The following PRELID2 variants were observed in gnomAD, a reference collection of about 807,000 sequenced individuals.
PRELID2 encodes the protein PRELI domain-containing protein 2.
PRELID2 carries 25 observed loss-of-function variants against 28.4 expected under a neutral mutation model. The observed-to-expected ratio is 0.88, with a 90% confidence interval of 0.64 to 1.23. The LOEUF is 1.23. Among genes scored for constraint, PRELID2 ranks in the 50% most tolerant of loss-of-function variants. PRELID2 has a pLI of 0.00. For synonymous variants in PRELID2, 76 were observed against 71.6 expected, an observed-to-expected ratio of 1.06 and a Z score of -0.31; for missense variants, 201 against 214.4, an observed-to-expected ratio of 0.94 and a Z score of 0.39.
At chr5:145,310,591 T>A in the PRELID2 span, among the ~76,000 whole-genome samples, 2 of 152,212 alleles carry the variant, frequency 1.3e-5, no homozygotes, top group African/African-American at 4.8e-5. Flanking sequence ...TAGTTCATGA[T>A]ATCAGGCCAC....
the PRELID2 span, among the ~76,000 whole-genome samples, chr5:145,292,523 A>G: frequency 6.6e-6 from 1 of 152,150 alleles, no homozygotes; most frequent in South Asian, 2.1e-4. Flanking sequence ...TCTCTCACAC[A>G]CAGTCACAGC....
the PRELID2 span, among the ~76,000 whole-genome samples, chr5:145,446,876 G>T: frequency 2.0e-5 from 3 of 151,658 alleles, no homozygotes; most frequent in African/African-American, 7.3e-5. Context: ...GTGAAACCTC[G>T]TCTCTACTAG....
chr5:145,772,381 T>C (rs1392110321), intron 5 of PRELID2, among the ~76,000 whole-genome samples: 1 of 152,132 alleles, frequency 6.6e-6, no homozygotes, highest in African/African-American at 2.4e-5. Flanking sequence ...GACACACTGT[T>C]GGAACTAGTC....
chr5:145,694,691 C>T (rs900080029), intron 1 of PRELID2, among the ~76,000 whole-genome samples: 2 of 151,712 alleles, frequency 1.3e-5, no homozygotes, highest in Non-Finnish European at 2.9e-5. Context: ...AAATGTCATT[C>T]GTTTGTTCAC....
chr5:145,587,710 A>C (rs1227958982), intron 1 of PRELID2, among the ~76,000 whole-genome samples: 10 of 152,168 alleles, frequency 6.6e-5, no homozygotes, highest in Non-Finnish European at 1.2e-4. Flanking sequence ...CAAACTTTAC[A>C]AACAGCCCAA....
intron 1 of PRELID2, among the ~76,000 whole-genome samples, chr5:145,502,285 G>C (rs530796251): frequency 1.3e-5 from 2 of 152,160 alleles, no homozygotes; most frequent in African/African-American, 4.8e-5. Flanking sequence ...CAGATCTCAT[G>C]ATAACTCACT....
At chr5:145,411,422 ATC>A in the PRELID2 span, among the ~76,000 whole-genome samples, 13 of 152,290 alleles carry the variant, frequency 8.5e-5, no homozygotes, top group East Asian at 2.5e-3. Context: ...GTCAAACAAT[ATC>A]TGTCATTAAA....
At chr5:145,374,108 C>T in the PRELID2 span, among the ~76,000 whole-genome samples, 1 of 151,358 alleles carries the variant, frequency 6.6e-6, no homozygotes, top group Non-Finnish European at 1.5e-5. Flanking sequence ...TGTGTTTTTG[C>T]AAGGGCTGGT....
intron 5 of PRELID2, among the ~76,000 whole-genome samples, chr5:145,791,640 G>A (rs1188849071): frequency 2.0e-5 from 3 of 152,142 alleles, no homozygotes; most frequent in Non-Finnish European, 4.4e-5. Flanking sequence ...ACAAAGTTCT[G>A]GAGATGGATG....
the PRELID2 span, among the ~76,000 whole-genome samples, chr5:145,421,096 G>A: frequency 6.6e-6 from 1 of 151,420 alleles, no homozygotes; most frequent in Non-Finnish European, 1.5e-5. Flanking sequence ...CTTGATCATG[G>A]GGGATAAGCT....
At chr5:145,691,339 A>G (rs1393417355) in intron 1 of PRELID2, among the ~76,000 whole-genome samples, 1 of 152,226 alleles carries the variant, frequency 6.6e-6, no homozygotes, top group Non-Finnish European at 1.5e-5. Flanking sequence ...TAAAGGAATG[A>G]GAAGTAGAGC....
At chr5:145,627,301 T>C (rs1403789218) in intron 1 of PRELID2, among the ~76,000 whole-genome samples, 1 of 151,662 alleles carries the variant, frequency 6.6e-6, no homozygotes, top group African/African-American at 2.4e-5. Flanking sequence ...TACAAATGGG[T>C]GGTAAACAAT....
At chr5:145,561,707 C>G (rs1373969072) in intron 1 of PRELID2, among the ~76,000 whole-genome samples, 1 of 152,188 alleles carries the variant, frequency 6.6e-6, no homozygotes, top group Non-Finnish European at 1.5e-5. Context: ...GCTCAGTATT[C>G]TTTTCACTGT....
the PRELID2 span, among the ~76,000 whole-genome samples, chr5:145,454,500 G>A: frequency 2.0e-5 from 3 of 152,180 alleles, no homozygotes; most frequent in Non-Finnish European, 4.4e-5. Context: ...GTACCTGTTT[G>A]CAGATGACAT....
At chr5:145,832,335 C>G (rs990701282) in intron 1 of PRELID2, among the ~76,000 whole-genome samples, 1 of 152,070 alleles carries the variant, frequency 6.6e-6, no homozygotes, top group African/African-American at 2.4e-5. Flanking sequence ...AGGCATAGGG[C>G]ACCACACCTG....
chr5:145,725,005 C>T (rs186535986), intron 1 of PRELID2, among the ~76,000 whole-genome samples: 81 of 151,938 alleles, frequency 5.3e-4, no homozygotes, highest in Non-Finnish European at 9.4e-4. Context: ...AGCCTCCCAA[C>T]GTGCTGGGAT....
chr5:145,232,117 T>A, the PRELID2 span, among the ~76,000 whole-genome samples: 1 of 152,122 alleles, frequency 6.6e-6, no homozygotes, highest in East Asian at 1.9e-4. Flanking sequence ...CCATAATATA[T>A]CCTTGGTTAT....
intron 1 of PRELID2, among the ~76,000 whole-genome samples, chr5:145,724,750 TTA>T (rs111822513): frequency 7.1e-6 from 1 of 141,842 alleles, no homozygotes; most frequent in African/African-American, 2.6e-5. Flanking sequence ...ATATTATATA[TTA>T]TATATATATG....
At chr5:145,397,012 T>C in the PRELID2 span, among the ~76,000 whole-genome samples, 1 of 152,074 alleles carries the variant, frequency 6.6e-6, no homozygotes, top group South Asian at 2.1e-4. Flanking sequence ...CTAGATATTA[T>C]ACTAAGGGCA....
Sources: allele counts gnomAD v4.1 joint callset (sites outside exome capture counted in the v4.1 genomes callset), GRCh38; gene constraint gnomAD v4.1.1; transcripts MANE v1.5; gene names NCBI Gene and HGNC (gene_info 2026-07-23, HGNC 2026-07-21).